The following DCC variants were observed in gnomAD, a reference collection of about 807,000 sequenced individuals.
DCC encodes netrin receptor DCC.
Under a neutral mutation model 172.5 loss-of-function variants are expected in DCC, and 58 were observed. The observed-to-expected ratio is 0.34, with a 90% CI of 0.27 to 0.42. The LOEUF is 0.42. DCC is among the 10% of genes least tolerant of loss of function. The pLI is 1.00. For synonymous variants in DCC, 709 were observed against 644.5 expected, an observed-to-expected ratio of 1.10 and a Z score of -1.52; for missense variants, 1,740 against 1,791.0, an observed-to-expected ratio of 0.97 and a Z score of 0.51.
chr18:52,478,257 A>G (rs928191014), intron 1 of DCC, among the ~76,000 whole-genome samples: 1 of 152,300 alleles, frequency 6.6e-6, no homozygotes, highest in African/African-American at 2.4e-5. Context: ...AGTATCCTAT[A>G]CTATCACCAT....
intron 1 of DCC, among the ~76,000 whole-genome samples, chr18:52,650,034 A>C (rs941828436): frequency 5.0e-5 from 7 of 138,728 alleles, no homozygotes. Flanking sequence ...GCTGGAGTGC[A>C]ATGGCACGAT....
chr18:52,610,178 A>AATATATATATATATAT (rs1158849717), intron 1 of DCC, among the ~76,000 whole-genome samples: 1 of 14,078 alleles, frequency 7.1e-5, no homozygotes, highest in Non-Finnish European at 1.1e-4. Context: ...AAAAAAAAAA[A>AATATATATATATATAT]ATATATATAT....
At chr18:52,461,242 T>A (rs78600195) in intron 1 of DCC, among the ~76,000 whole-genome samples, 9,326 of 152,226 alleles carry the variant, frequency 0.061, 358 homozygotes, top group East Asian at 0.095. Flanking sequence ...TGCCCCTGTC[T>A]TTCACCTTCA....
intron 12 of DCC, among the ~76,000 whole-genome samples, chr18:53,225,372 T>C (rs1198828237): frequency 6.6e-6 from 1 of 152,122 alleles, no homozygotes; most frequent in Admixed American, 6.6e-5. Flanking sequence ...AACCACAACT[T>C]TTAGAAATAA....
chr18:52,377,417 G>C (rs1027982689), intron 1 of DCC, among the ~76,000 whole-genome samples: 2 of 152,064 alleles, frequency 1.3e-5, no homozygotes, highest in Non-Finnish European at 2.9e-5. Context: ...AAGTAATTTT[G>C]CTCATGAATC....
intron 27 of DCC, among the ~76,000 whole-genome samples, chr18:53,523,580 A>T (rs1377969051): frequency 6.6e-6 from 1 of 151,940 alleles, no homozygotes; most frequent in Non-Finnish European, 1.5e-5. Flanking sequence ...ATGCAGCCAT[A>T]AAAAAGGATG....
At chr18:52,342,375 G>C (rs1220353762) in intron 1 of DCC, among the ~76,000 whole-genome samples, 1 of 145,546 alleles carries the variant, frequency 6.9e-6, no homozygotes, top group African/African-American at 2.6e-5. Flanking sequence ...CCCTCCGTCT[G>C]TCCCTCCCGG....
chr18:53,304,483 T>A (rs1247484907), intron 12 of DCC, among the ~76,000 whole-genome samples: 1 of 152,120 alleles, frequency 6.6e-6, no homozygotes, highest in Non-Finnish European at 1.5e-5. Flanking sequence ...GAAGAAGACA[T>A]GGGTAGCTCA....
intron 9 of DCC, among the ~76,000 whole-genome samples, chr18:53,184,571 C>G (rs566744583): frequency 6.6e-6 from 1 of 152,148 alleles, no homozygotes; most frequent in African/African-American, 2.4e-5. Context: ...TGTGACGGTA[C>G]TGAATACTGC....
intron 1 of DCC, among the ~76,000 whole-genome samples, chr18:52,515,912 ATCCAGTTAG>A: frequency 6.9e-6 from 1 of 145,762 alleles, no homozygotes; most frequent in Non-Finnish European, 1.5e-5. Context: ...TAGAAAAAAA[ATCCAGTTAG>A]AAAATGGAAA....
chr18:52,927,168 T>TGTATATAC (rs145607696), intron 5 of DCC, among the ~76,000 whole-genome samples: 3,066 of 82,448 alleles, frequency 0.037, 728 homozygotes, highest in African/African-American at 0.091. Context: ...CGTATATATG[T>TGTATATAC]GTATATATGT....
At chr18:52,550,528 A>G (rs906531534) in intron 1 of DCC, among the ~76,000 whole-genome samples, 1 of 152,192 alleles carries the variant, frequency 6.6e-6, no homozygotes, top group Non-Finnish European at 1.5e-5. Flanking sequence ...AGTCCAGGCA[A>G]AATCATTACT....
chr18:53,244,064 G>A (rs1335073363), intron 12 of DCC, among the ~76,000 whole-genome samples: 1 of 152,020 alleles, frequency 6.6e-6, no homozygotes, highest in African/African-American at 2.4e-5. Flanking sequence ...TAGATATCAG[G>A]CTATTATACT....
intron 25 of DCC, among the ~76,000 whole-genome samples, chr18:53,485,320 C>G (rs2045888349): frequency 6.6e-6 from 1 of 152,160 alleles, no homozygotes; most frequent in South Asian, 2.1e-4. Context: ...CATCACTCCT[C>G]TACACTCCAA....
intron 2 of DCC, among the ~76,000 whole-genome samples, chr18:52,802,827 T>C (rs2038018345): frequency 6.6e-6 from 1 of 151,670 alleles, no homozygotes; most frequent in Admixed American, 6.6e-5. Context: ...TAACTACTGA[T>C]AGCCTATTGT....
intron 2 of DCC, among the ~76,000 whole-genome samples, chr18:52,778,212 G>A (rs577861700): frequency 5.9e-5 from 9 of 152,140 alleles, no homozygotes; most frequent in African/African-American, 1.4e-4. Context: ...AAAAGTTTTC[G>A]ATAGAGAGTG....
At chr18:52,788,781 G>A (rs886166478) in intron 2 of DCC, among the ~76,000 whole-genome samples, 2 of 152,158 alleles carry the variant, frequency 1.3e-5, no homozygotes, top group Non-Finnish European at 2.9e-5. Context: ...TAAAAAACAG[G>A]CACAGCTGAA....
intron 1 of DCC, among the ~76,000 whole-genome samples, chr18:52,358,758 C>T (rs969958275): frequency 6.6e-6 from 1 of 152,184 alleles, no homozygotes; most frequent in Admixed American, 6.5e-5. Context: ...TTCTGCTAGG[C>T]ATCTTCACAT....
chr18:53,219,191 G>A (rs1215084697), intron 12 of DCC, among the ~76,000 whole-genome samples: 1 of 152,082 alleles, frequency 6.6e-6, no homozygotes, highest in Non-Finnish European at 1.5e-5. Context: ...TGTTCCTCTA[G>A]CCACTTTAAT....
Sources: gnomAD v4.1 joint callset for allele counts (sites outside exome capture counted in the v4.1 genomes callset) on GRCh38, gnomAD v4.1.1 for gene constraint, MANE v1.5 for transcripts, NCBI Gene and HGNC (gene_info 2026-07-23, HGNC 2026-07-21) for gene names.